Variants in DENND1B observed in about 807,000 individuals in gnomAD.
The protein encoded by DENND1B is DENN domain containing 1B.
In DENND1B, 59 loss-of-function variants were observed where a neutral mutation model predicts 90.1. The ratio of observed to expected loss-of-function variants is 0.65; its 90% CI spans 0.53 to 0.81. The LOEUF (loss-of-function observed/expected upper bound fraction) is 0.81. DENND1B is among the 40% of genes least tolerant of loss of function. DENND1B has a pLI of 0.00. For missense variants in DENND1B, 862 were observed against 912.6 expected (o/e 0.94, Z 0.71); for synonymous variants, 337 against 324.6 (o/e 1.04, Z -0.41).
At chr1:197,519,275 T>C (rs984178562) in intron 20 of DENND1B, among the ~76,000 whole-genome samples, 1 of 151,912 alleles carries the variant, frequency 6.6e-6, no homozygotes, top group Admixed American at 6.6e-5. Flanking sequence ...CAGGCAGAAA[T>C]GTTTTCTGAA....
intron 5 of DENND1B, among the ~76,000 whole-genome samples, chr1:197,667,098 C>A (rs1655014899): frequency 2.0e-5 from 3 of 149,736 alleles, no homozygotes; most frequent in Admixed American, 2.0e-4. Context: ...TGCGTCACTG[C>A]ATTCCAGCCT....
chr1:197,563,706 A>G (rs1329045895), intron 15 of DENND1B, among the ~76,000 whole-genome samples: 1 of 152,010 alleles, frequency 6.6e-6, no homozygotes, highest in Non-Finnish European at 1.5e-5. Flanking sequence ...TAAGAAATAC[A>G]TTTCATTAGG....
At chr1:197,568,832 A>T (rs1031660980) in intron 15 of DENND1B, among the ~76,000 whole-genome samples, 3 of 152,134 alleles carry the variant, frequency 2.0e-5, no homozygotes, top group Admixed American at 2.0e-4. Flanking sequence ...ATTTATAAAC[A>T]TAAGACCTGA....
At chr1:197,753,405 G>T (rs1653821613) in intron 2 of DENND1B, among the ~76,000 whole-genome samples, 1 of 152,032 alleles carries the variant, frequency 6.6e-6, no homozygotes. Context: ...GGTAAGAAGG[G>T]ATGAAAAGGT....
intron 3 of DENND1B, among the ~76,000 whole-genome samples, chr1:197,686,481 G>A (rs1165984040): frequency 6.6e-6 from 1 of 152,064 alleles, no homozygotes; most frequent in Non-Finnish European, 1.5e-5. Context: ...GCTGCCACTA[G>A]TAATCTCTAG....
intron 3 of DENND1B, among the ~76,000 whole-genome samples, chr1:197,702,852 A>G (rs1659172908): frequency 6.6e-6 from 1 of 152,220 alleles, no homozygotes; most frequent in Non-Finnish European, 1.5e-5. Flanking sequence ...AGTTGTAATT[A>G]TAATACTATG....
At chr1:197,762,460 T>C (rs1655198511) in intron 2 of DENND1B, among the ~76,000 whole-genome samples, 1 of 152,166 alleles carries the variant, frequency 6.6e-6, no homozygotes, top group African/African-American at 2.4e-5. Flanking sequence ...TTATTTGAGG[T>C]GCTCAATATG....
chr1:197,633,183 G>A (rs1356550934), intron 10 of DENND1B, among the ~76,000 whole-genome samples: 1 of 152,274 alleles, frequency 6.6e-6, no homozygotes, highest in South Asian at 2.1e-4. Flanking sequence ...TTAGAGGAAA[G>A]GGTGAGAATG....
intron 6 of DENND1B, among the ~76,000 whole-genome samples, chr1:197,652,653 T>C (rs1218344043): frequency 6.6e-6 from 1 of 152,082 alleles, no homozygotes; most frequent in Non-Finnish European, 1.5e-5. Context: ...ATAAAAATAG[T>C]AATACAACTT....
At chr1:197,651,645 C>CCT (rs1653192714) in intron 7 of DENND1B, among the ~76,000 whole-genome samples, 10 of 61,522 alleles carry the variant, frequency 1.6e-4, no homozygotes, top group Admixed American at 2.1e-4. Context: ...ATCAATGCTT[C>CCT]TTTTTTTTTT....
intron 2 of DENND1B, among the ~76,000 whole-genome samples, chr1:197,721,625 T>C (rs1001724818): frequency 4.6e-5 from 7 of 152,034 alleles, no homozygotes; most frequent in African/African-American, 1.7e-4. Context: ...ATGACATTTT[T>C]ATATATTTAT....
chr1:197,728,637 T>G (rs1661873823), intron 2 of DENND1B, among the ~76,000 whole-genome samples: 1 of 152,150 alleles, frequency 6.6e-6, no homozygotes, highest in Non-Finnish European at 1.5e-5. Flanking sequence ...CCATTCCTCC[T>G]CTTCCATATT....
Position 197,770,866 on chromosome 1 carries a change from A to G in DENND1B, c.82+2002T>C, listed in dbSNP as rs945759569. On this transcript the variant is annotated intron_variant, in intron 2 of 22. Coordinates refer to ENST00000620048, the MANE Select transcript of DENND1B (RefSeq NM_001195215.2). ...TATATAAATATATATCTATAAATATATATCTATAAATATATGTATCTATAA... is the reference window on the plus strand; with the variant it reads ...TATATAAATATATATCTATAAATATGTATCTATAAATATATGTATCTATAA... Among the ~76,000 whole-genome samples, 4 of 136,878 alleles carry G rather than the reference A, an allele frequency of 2.9e-5. No homozygotes were observed. The South Asian group carries it at 8.7e-4, about 30-fold the overall frequency. The allele number at this position is 136,878 out of a possible 152,430, so 89.8% of individuals were successfully genotyped here.
chr1:197,600,181 G>A (rs1264973466), intron 13 of DENND1B, among the ~76,000 whole-genome samples: 1 of 151,828 alleles, frequency 6.6e-6, no homozygotes. Flanking sequence ...GTGCGGACTA[G>A]TAAAAATGGC....
At position 197,509,127 on chromosome 1, in the gene DENND1B, C is replaced by T. The variant is rs1667863357; in HGVS notation, c.*1333G>A. The T allele has an allele frequency of 1.3e-5, 2 of 151,612 alleles. No homozygotes were observed. Among genetic ancestry groups the T allele is most frequent in the Non-Finnish European group, 3.0e-5 (2 of 67,788 alleles). 9.4% of individuals were successfully genotyped at this position (151,612 alleles called of 1,614,324 possible). A position where few individuals can be genotyped will look rare whatever the true frequency, so the allele number is the denominator to read the frequency against. On this transcript the variant is annotated 3_prime_UTR_variant, in exon 23 of 23. Transcript: ENST00000620048. ...TTGACAGTACGTACCCTTGATATGACCTGATGAAAATGGCACTTTACTTCT... is the reference window on the plus strand; with the variant it reads ...TTGACAGTACGTACCCTTGATATGATCTGATGAAAATGGCACTTTACTTCT...
In DENND1B at chr1:197,626,733, T is replaced by C. The variant is rs552234801; in HGVS notation, c.673-8974A>G. On this transcript the variant is annotated intron_variant, in intron 10 of 22. Coordinates refer to ENST00000620048, the MANE Select transcript of DENND1B (RefSeq NM_001195215.2). ...AAAAACCCTTCAAAAAATTAATGAA[T>C]CCAGGAGCTGGTTTTTTGAAAGGAT... Among the ~76,000 whole-genome samples, 11 of 151,860 alleles carry C rather than the reference T, an allele frequency of 7.2e-5. No homozygotes were observed. In the East Asian group the frequency reaches 1.9e-3, roughly 27 times the overall value.
chr1:197,568,056 G>C (rs71631902), intron 15 of DENND1B, among the ~76,000 whole-genome samples: 2 of 147,742 alleles, frequency 1.4e-5, no homozygotes, highest in Non-Finnish European at 3.0e-5. Context: ...GGGAGGGAGG[G>C]AAGGAGGGAG....
At position 197,775,257 on chromosome 1, in the gene DENND1B, C is replaced by T. The variant is rs1192381374; in HGVS notation, c.-102G>A. Reference sequence around the variant, plus strand: ...GTCGCGCCGTCCCCGCCCACGCCGGCGGCCACACAGGGAAAGAGGCTGCTC... The same window carrying T: ...GTCGCGCCGTCCCCGCCCACGCCGGTGGCCACACAGGGAAAGAGGCTGCTC... On this transcript the variant is annotated 5_prime_UTR_variant, in exon 1 of 23. Transcript: ENST00000620048. 2 of 991,678 alleles carry T rather than the reference C, an allele frequency of 2.0e-6. No homozygotes were observed. The highest frequency in any genetic ancestry group is 4.5e-5 in the Admixed American group (1 of 22,130). 61.4% of individuals were successfully genotyped at this position (991,678 alleles called of 1,614,324 possible). A position where few individuals can be genotyped will look rare whatever the true frequency, so the allele number is the denominator to read the frequency against.
At chr1:197,567,162 TTGGAAA>T (rs1398349415) in intron 15 of DENND1B, among the ~76,000 whole-genome samples, 1 of 151,836 alleles carries the variant, frequency 6.6e-6, no homozygotes, top group African/African-American at 2.4e-5. Flanking sequence ...ATAAGTAAAA[TTGGAAA>T]TGGAAGAGGA....
Sources: gnomAD v4.1 joint callset for allele counts (sites outside exome capture counted in the v4.1 genomes callset) on GRCh38, gnomAD v4.1.1 for gene constraint, MANE v1.5 for transcripts, NCBI Gene and HGNC (gene_info 2026-07-23, HGNC 2026-07-21) for gene names.